The following CHODL variants were observed in gnomAD, a reference collection of about 807,000 sequenced individuals.
The protein encoded by CHODL is chondrolectin, also known as transmembrane protein MT75.
In CHODL, 29 loss-of-function variants were observed where a neutral mutation model predicts 34.5. The observed-to-expected ratio is 0.84, with a 90% CI of 0.63 to 1.15. The LOEUF is 1.15. Among genes scored for constraint, CHODL ranks in the 50% most tolerant of loss-of-function variants. CHODL has a pLI of 0.00. For missense variants in CHODL, 332 were observed against 332.5 expected, an observed-to-expected ratio of 1.00 and a Z score of 0.01; for synonymous variants, 125 against 116.1, an observed-to-expected ratio of 1.08 and a Z score of -0.49.
In CHODL at chr21:18,266,236, G is replaced by A; in HGVS notation, c.*198G>A. ...GAATATGCTGTGCTAATAATGGAGT[G>A]AGACATGCTTATTTTGCTAAAGGAT... On this transcript the variant is annotated 3_prime_UTR_variant, in exon 6 of 6. Coordinates refer to ENST00000299295, the MANE Select transcript of CHODL (RefSeq NM_024944.3). The A allele has an allele frequency of 6.7e-7, 1 of 1,489,168 alleles. No homozygotes were observed. The highest frequency in any genetic ancestry group is 2.3e-5 in the Admixed American group (1 of 43,376). The allele number at this position is 1,489,168 out of a possible 1,614,324, so 92.2% of individuals were successfully genotyped here. A position where few individuals can be genotyped will look rare whatever the true frequency, so the allele number is the denominator to read the frequency against.
At chr21:18,197,167 C>A (rs371170761) in intron 2 of CHODL, among the ~76,000 whole-genome samples, 2 of 151,814 alleles carry the variant, frequency 1.3e-5, no homozygotes, top group African/African-American at 4.8e-5. Context: ...TAAATGTGTG[C>A]TTTTATAAAT....
At chr21:18,018,185 A>G (rs2064093290) in intron 1 of CHODL, among the ~76,000 whole-genome samples, 1 of 152,146 alleles carries the variant, frequency 6.6e-6, no homozygotes, top group South Asian at 2.1e-4. Context: ...GAGACTTTGG[A>G]CTTTGAACTT....
intron 2 of CHODL, among the ~76,000 whole-genome samples, chr21:18,137,972 C>G (rs912785218): frequency 6.6e-6 from 1 of 152,044 alleles, no homozygotes; most frequent in Non-Finnish European, 1.5e-5. Context: ...CAATTTGTCT[C>G]TGGAAATTTA....
chr21:17,967,030 A>G (rs2146358278), intron 1 of CHODL, among the ~76,000 whole-genome samples: 1 of 151,838 alleles, frequency 6.6e-6, no homozygotes, highest in South Asian at 2.1e-4. Context: ...GATTACAGGC[A>G]CCCACCACCA....
intron 2 of CHODL, among the ~76,000 whole-genome samples, chr21:18,232,542 T>A (rs532431595): frequency 6.7e-6 from 1 of 150,204 alleles, no homozygotes; most frequent in African/African-American, 2.5e-5. Context: ...CCTGACCTAA[T>A]CATCTTCCAA....
chr21:18,159,170 C>CT (rs1374486151), intron 2 of CHODL, among the ~76,000 whole-genome samples: 1 of 152,164 alleles, frequency 6.6e-6, no homozygotes, highest in Non-Finnish European at 1.5e-5. Flanking sequence ...GGCTGCCACA[C>CT]AATGCAATGC....
chr21:17,949,147 C>T (rs1688000067), intron 1 of CHODL, among the ~76,000 whole-genome samples: 1 of 152,052 alleles, frequency 6.6e-6, no homozygotes, highest in South Asian at 2.1e-4. Flanking sequence ...TGAAGCTGCT[C>T]AACAGCTACC....
intron 1 of CHODL, among the ~76,000 whole-genome samples, chr21:17,996,611 G>A (rs1226653323): frequency 2.0e-5 from 3 of 152,168 alleles, no homozygotes; most frequent in Admixed American, 1.3e-4. Flanking sequence ...CATCTCAGAG[G>A]GATTTGACCT....
chr21:18,155,622 C>A lies in CHODL; in HGVS notation c.-44-100887C>A, dbSNP rs56310131. On this transcript the variant is annotated intron_variant, in intron 2 of 6. Transcript: ENST00000400127. ...CAGAATTTCGAGGTTGTTAGAGAAA[C>A]CTTGTGGTAGAAATACAAGGCCATT... Among the ~76,000 whole-genome samples, 1,198 of 152,252 alleles carry A rather than the reference C, an allele frequency of 7.9e-3. 17 individuals carry two copies. The highest frequency in any genetic ancestry group is 0.027 in the African/African-American group (1,141 of 41,532).
chr21:18,174,311 A>T (rs1486881485), intron 2 of CHODL, among the ~76,000 whole-genome samples: 1 of 151,126 alleles, frequency 6.6e-6, no homozygotes. Flanking sequence ...ACACAAAATA[A>T]TTTTTTCTTG....
Position 18,167,333 on chromosome 21 carries a change from G to A in CHODL, c.-44-89176G>A, listed in dbSNP as rs944847478. Among the ~76,000 whole-genome samples, 34 of 122,512 alleles carry A rather than the reference G, an allele frequency of 2.8e-4. 1 individual carries two copies. Among genetic ancestry groups the A allele is most frequent in the African/African-American group, 5.9e-4 (17 of 28,896 alleles). The allele number at this position is 122,512 out of a possible 152,430, so 80.4% of individuals were successfully genotyped here. Reference sequence around the variant, plus strand: ...GATTTTTTTTTTTTTTTTTTGAGACGGAGTCTTGCTCTGTCACCCAGGCTG... The same window carrying A: ...GATTTTTTTTTTTTTTTTTTGAGACAGAGTCTTGCTCTGTCACCCAGGCTG... On this transcript the variant is annotated intron_variant, in intron 2 of 6. Transcript: ENST00000400127.
At chr21:17,975,333 C>T (rs1002644374) in intron 1 of CHODL, among the ~76,000 whole-genome samples, 1 of 151,972 alleles carries the variant, frequency 6.6e-6, no homozygotes, top group Non-Finnish European at 1.5e-5. Flanking sequence ...AACTACTTAT[C>T]GAGTAGTATG....
intron 2 of CHODL, among the ~76,000 whole-genome samples, chr21:18,079,236 G>A (rs1295895502): frequency 2.6e-5 from 4 of 151,702 alleles, no homozygotes; most frequent in Non-Finnish European, 1.5e-5. Context: ...TTAACTTTCT[G>A]TCTGAGTTAT....
At position 18,028,323 on chromosome 21, in the gene CHODL, C is replaced by CTTCCTTCCTTCCTTCGTTCCTTCT. The variant is rs1481825880; in HGVS notation, c.-45+361_-45+362insTCCTTCGTTCCTTCTTTCCTTCCT. 1.9e-5 allele frequency among the ~76,000 whole-genome samples: 2 copies of CTTCCTTCCTTCCTTCGTTCCTTCT among 107,940 alleles called. 1 individual carries two copies. The highest frequency in any genetic ancestry group is 7.6e-5 in the African/African-American group (2 of 26,398). The allele number at this position is 107,940 out of a possible 152,430, so 70.8% of individuals were successfully genotyped here. On this transcript the variant is annotated intron_variant, in intron 2 of 6. Transcript: ENST00000400127. ...CCTTCCTTCCTTCCTTCCTTCCTTC[C>CTTCCTTCCTTCCTTCGTTCCTTCT]TTCCTTCCTCTCTGTTTCTTTCTTC...
chr21:18,125,937 C>T (rs2065538401), intron 2 of CHODL, among the ~76,000 whole-genome samples: 1 of 152,164 alleles, frequency 6.6e-6, no homozygotes. Flanking sequence ...AAAATGCTAT[C>T]AAACAGTATC....
chr21:18,228,728 T>G (rs1419085195), intron 2 of CHODL, among the ~76,000 whole-genome samples: 2 of 152,184 alleles, frequency 1.3e-5, no homozygotes, highest in African/African-American at 4.8e-5. Context: ...CAATTTTCTC[T>G]TCTTAGTTTT....
chr21:18,183,855 T>C (rs370607846), intron 2 of CHODL, among the ~76,000 whole-genome samples: 4 of 152,334 alleles, frequency 2.6e-5, no homozygotes, highest in African/African-American at 9.6e-5. Flanking sequence ...GTTGTGGTGA[T>C]CTGTATCATT....
rs1324268488 is a variant in CHODL, at chr21:18,182,182, T to TA, written c.-44-74326dup. ...CTACTTTACCCTCCCATCAGCAACA[T>TA]ACGGTATCAATTTGAATTGATATCA... On this transcript the variant is annotated intron_variant, in intron 2 of 6. Coordinates refer to the CHODL transcript ENST00000400127. Among the ~76,000 whole-genome samples, 4 of 152,072 alleles carry TA rather than the reference T, an allele frequency of 2.6e-5. No individual in the cohort carries two copies. The East Asian group carries it at 7.7e-4, about 29-fold the overall frequency.
At chr21:18,128,741 C>T (rs1023514324) in intron 2 of CHODL, among the ~76,000 whole-genome samples, 5 of 151,672 alleles carry the variant, frequency 3.3e-5, no homozygotes, top group Admixed American at 6.6e-5. Context: ...TTTTTTTCTC[C>T]GTTTTGGTTT....
Sources: gnomAD v4.1 joint callset for allele counts (sites outside exome capture counted in the v4.1 genomes callset) on GRCh38, gnomAD v4.1.1 for gene constraint, MANE v1.5 for transcripts, NCBI Gene and HGNC (gene_info 2026-07-23, HGNC 2026-07-21) for gene names.